PTPN4: variants seen among roughly 807,000 people sequenced by gnomAD.
The protein encoded by PTPN4 is tyrosine-protein phosphatase non-receptor type 4.
Under a neutral mutation model 135.5 loss-of-function variants are expected in PTPN4, and 49 were observed. The ratio of observed to expected loss-of-function variants is 0.36; its 90% confidence interval spans 0.29 to 0.46. The LOEUF (loss-of-function observed/expected upper bound fraction) is 0.46. Among genes scored for constraint, PTPN4 ranks in the 20% least tolerant of loss-of-function variants. The pLI, the probability that PTPN4 is intolerant of heterozygous loss-of-function variation, is 1.00. For synonymous variants in PTPN4, 333 were observed against 369.9 expected (o/e 0.90, Z 1.14); for missense variants, 860 against 1,101.0 (o/e 0.78, Z 3.10).
intron 15 of PTPN4, among the ~76,000 whole-genome samples, chr2:119,941,556 C>A (rs749664330): frequency 3.3e-5 from 5 of 152,052 alleles, no homozygotes; most frequent in Non-Finnish European, 5.9e-5. Flanking sequence ...GCTCCCTAGA[C>A]TAACCTAACC....
At chr2:119,851,588 C>T (rs1214360266) in intron 2 of PTPN4, among the ~76,000 whole-genome samples, 2 of 152,176 alleles carry the variant, frequency 1.3e-5, no homozygotes, top group African/African-American at 2.4e-5. Context: ...AAGTTTTATA[C>T]ATGCCCATCT....
intron 9 of PTPN4, among the ~76,000 whole-genome samples, chr2:119,894,088 C>T (rs1295217931): frequency 6.6e-6 from 1 of 152,076 alleles, no homozygotes; most frequent in Non-Finnish European, 1.5e-5. Flanking sequence ...ATTATTATCT[C>T]CACTTTACAG....
chr2:119,976,767 A>G (rs910226749), intron 26 of PTPN4, among the ~76,000 whole-genome samples: 1 of 152,168 alleles, frequency 6.6e-6, no homozygotes, highest in Non-Finnish European at 1.5e-5. Context: ...TAACATCCCT[A>G]CCAGCAACAT....
Position 119,983,962 on chromosome 2 carries a change from T to A in PTPN4, c.*6892T>A, listed in dbSNP as rs982983780. The A allele has an allele frequency of 1.3e-5, 2 of 152,156 alleles. No homozygotes were observed. Among genetic ancestry groups the A allele is most frequent in the African/African-American group, 4.8e-5 (2 of 41,446 alleles). 9.4% of individuals were successfully genotyped at this position (152,156 alleles called of 1,614,324 possible). On this transcript the variant is annotated 3_prime_UTR_variant, in exon 27 of 27. Coordinates refer to ENST00000263708, the MANE Select transcript of PTPN4 (RefSeq NM_002830.4). ...GTGAAGTAGATGCTGCACAAGTAAG[T>A]TTAAGGGAATAAAAGTCCCGACACT...
intron 14 of PTPN4, among the ~76,000 whole-genome samples, chr2:119,933,510 C>G (rs949174476): frequency 3.9e-5 from 6 of 152,016 alleles, no homozygotes; most frequent in African/African-American, 1.4e-4. Context: ...GAAACCCCAT[C>G]TTTACAAAAA....
intron 10 of PTPN4, among the ~76,000 whole-genome samples, chr2:119,914,349 A>T (rs1299534655): frequency 6.6e-6 from 1 of 150,818 alleles, no homozygotes; most frequent in Non-Finnish European, 1.5e-5. Flanking sequence ...AGTATCCAAA[A>T]GTAAAATACA....
intron 1 of PTPN4, among the ~76,000 whole-genome samples, chr2:119,784,354 G>T (rs1005374249): frequency 6.8e-6 from 1 of 147,666 alleles, no homozygotes; most frequent in African/African-American, 2.5e-5. Flanking sequence ...AGTAGCTGGG[G>T]CTACAGGTGC....
At chr2:119,849,698 A>T (rs916600411) in intron 2 of PTPN4, among the ~76,000 whole-genome samples, 10 of 152,206 alleles carry the variant, frequency 6.6e-5, no homozygotes, top group Non-Finnish European at 1.2e-4. Flanking sequence ...TTTTTCAGTG[A>T]TTTGATTGAA....
At chr2:119,826,807 C>A (rs1677153257) in intron 2 of PTPN4, among the ~76,000 whole-genome samples, 1 of 152,114 alleles carries the variant, frequency 6.6e-6, no homozygotes, top group Non-Finnish European at 1.5e-5. Flanking sequence ...AGAAGGATTG[C>A]TTGAGGCTAG....
intron 11 of PTPN4, chr2:119,916,422 C>T (rs538977143): frequency 5.9e-5 from 9 of 152,054 alleles, no homozygotes; most frequent in Non-Finnish European, 8.8e-5. Flanking sequence ...TGGTCTACTA[C>T]GTGATTATAA....
rs1679260321 is a variant in PTPN4 at position 119,955,027 on chromosome 2, A to T, written c.1814-130A>T. The stretch of plus-strand genomic sequence containing the variant: ...CCCCCCATAGTGACACCAGACTCAG[A>T]TCTGGTGTAATTCTTCACAAATGAA... On this transcript the variant is annotated intron_variant, in intron 19 of 26. Coordinates refer to ENST00000263708, the MANE Select transcript of PTPN4 (RefSeq NM_002830.4). 12 of 813,834 alleles carry T rather than the reference A, an allele frequency of 1.5e-5. No homozygotes were observed. In the South Asian group the frequency reaches 2.6e-4, roughly 17 times the overall value. 50.4% of individuals were successfully genotyped at this position (813,834 alleles called of 1,614,324 possible).
intron 18 of PTPN4, 85 bp downstream of exon 18, chr2:119,946,659 G>T (rs756091289): frequency 9.4e-7 from 1 of 1,063,450 alleles, no homozygotes; most frequent in Admixed American, 2.4e-5. Context: ...AATAAAACAA[G>T]GAATTTCATC....
chr2:119,932,603 T>A, intron 14 of PTPN4, 54 bp downstream of exon 14: 1 of 1,502,630 alleles, frequency 6.7e-7, no homozygotes, highest in Non-Finnish European at 9.0e-7. Context: ...AATTTCTAAT[T>A]ATTGGCTGTA....
chr2:119,808,197 A>G (rs903372161), intron 1 of PTPN4, among the ~76,000 whole-genome samples: 12 of 152,220 alleles, frequency 7.9e-5, no homozygotes, highest in South Asian at 6.2e-4. Flanking sequence ...AACCACTCCT[A>G]TTCAACATAG....
rs192504446 is a variant in PTPN4 at position 119,789,917 on chromosome 2, T to C, written c.-17-19920T>C. Among the ~76,000 whole-genome samples, 490 of 151,812 alleles carry C rather than the reference T, an allele frequency of 3.2e-3. 2 individuals are homozygous for C. The highest frequency in any genetic ancestry group is 0.011 in the African/African-American group (463 of 41,438). On this transcript the variant is annotated intron_variant, in intron 1 of 26. Coordinates refer to ENST00000263708, the MANE Select transcript of PTPN4 (RefSeq NM_002830.4). ...TTTTTTTTGTATTTTTAGTAGAGAC[T>C]CGGTTTCATTATGTTGGCCAGGCTA...
chr2:119,847,315 C>CACACATAT (rs1377379334), intron 2 of PTPN4, among the ~76,000 whole-genome samples: 83 of 94,492 alleles, frequency 8.8e-4, no homozygotes, highest in Middle Eastern at 5.7e-3. Flanking sequence ...CACACACACA[C>CACACATAT]ATATATATAT....
chr2:119,824,640 T>C (rs1010150235), intron 2 of PTPN4, among the ~76,000 whole-genome samples: 1 of 152,224 alleles, frequency 6.6e-6, no homozygotes. Flanking sequence ...GGACTGTGAT[T>C]TTCTTTTTGG....
intron 15 of PTPN4, among the ~76,000 whole-genome samples, chr2:119,938,097 A>G (rs182261238): frequency 1.3e-5 from 2 of 151,152 alleles, no homozygotes; most frequent in Admixed American, 1.3e-4. Flanking sequence ...GTTAACACGA[A>G]TAGTACTTTT....
chr2:119,779,351 C>G (rs1024394057), intron 1 of PTPN4, among the ~76,000 whole-genome samples: 1 of 152,202 alleles, frequency 6.6e-6, no homozygotes, highest in African/African-American at 2.4e-5. Flanking sequence ...GGCGCGGTGG[C>G]TCACGCCTGT....
Sources: allele counts gnomAD v4.1 joint callset (sites outside exome capture counted in the v4.1 genomes callset), GRCh38; gene constraint gnomAD v4.1.1; transcripts MANE v1.5; gene names NCBI Gene and HGNC (gene_info 2026-07-23, HGNC 2026-07-21).